IL3RA: variants seen among roughly 807,000 people sequenced by gnomAD.
The protein encoded by IL3RA is interleukin 3 receptor subunit alpha, also known as interleukin-3 receptor subunit alpha.
Under a neutral mutation model 52.3 loss-of-function variants are expected in IL3RA, and 73 were observed. The ratio of observed to expected loss-of-function variants is 1.40; its 90% confidence interval spans 1.16 to 1.70. IL3RA has a LOEUF of 1.70. Ranked by LOEUF, IL3RA falls within the 40% of genes most tolerant of loss-of-function variation. IL3RA has a pLI of 0.00. For synonymous variants in IL3RA, 260 were observed against 194.0 expected (o/e 1.34, Z -2.83); for missense variants, 664 against 504.4 (o/e 1.32, Z -3.03).
At chrX:1,343,529 C>T (rs1199785784) in intron 2 of IL3RA, among the ~76,000 whole-genome samples, 17 of 150,832 alleles carry the variant, frequency 1.1e-4, no homozygotes, top group Non-Finnish European at 1.6e-4. Flanking sequence ...TAGCTGGGCG[C>T]GGTGCTGTGC....
In IL3RA at chrX:1,348,390, A is replaced by G. The variant is rs369499063; in HGVS notation, c.184-41A>G. On this transcript the variant is annotated intron_variant, in intron 3 of 11. Transcript: ENST00000331035. ...GAACATCATTAGCGTCAAATTAAGC[A>G]TGGTCTGTCAGCAGCCATCATAGTC... 1.4e-4 allele frequency: 209 copies of G among 1,448,254 alleles called. 3 individuals carry two copies. In the African/African-American group the frequency reaches 2.2e-3, roughly 16 times the overall value. The allele number at this position is 1,448,254 out of a possible 1,614,324, so 89.7% of individuals were successfully genotyped here.
At chrX:1,362,588 T>C (rs1450262678) in intron 8 of IL3RA, among the ~76,000 whole-genome samples, 2 of 151,856 alleles carry the variant, frequency 1.3e-5, no homozygotes, top group African/African-American at 4.8e-5. Flanking sequence ...TCTCTCTCTC[T>C]GTCTCTCCCT....
At chrX:1,348,267 G>T (rs1440164430) in intron 3 of IL3RA, among the ~76,000 whole-genome samples, 164 bp from the exon 4 acceptor site, 4 of 151,180 alleles carry the variant, frequency 2.6e-5, no homozygotes, top group Non-Finnish European at 5.9e-5. Context: ...GCAGGAGAAT[G>T]GCTTGAACCC....
intron 9 of IL3RA, among the ~76,000 whole-genome samples, chrX:1,368,785 A>C (rs28869836): frequency 2.5e-4 from 30 of 121,704 alleles, no homozygotes; most frequent in African/African-American, 9.5e-4. Flanking sequence ...CCTGGATCTC[A>C]GACCTCCAGC....
chrX:1,344,565 G>A (rs1313717962), intron 2 of IL3RA, among the ~76,000 whole-genome samples: 2 of 151,470 alleles, frequency 1.3e-5, no homozygotes, highest in African/African-American at 2.4e-5. Flanking sequence ...ACGAGGTCAG[G>A]AGATCGAGAC....
At position 1,356,671 on chromosome X, in the gene IL3RA, C is replaced by A. The variant is rs2086745227; in HGVS notation, c.732+335C>A. Among the ~76,000 whole-genome samples the A allele has an allele frequency of 2.0e-5, 3 of 151,682 alleles. No individual in the cohort carries two copies. In the South Asian group the frequency reaches 6.2e-4, roughly 31 times the overall value. On this transcript the variant is annotated intron_variant, in intron 7 of 11. Coordinates refer to ENST00000331035, the MANE Select transcript of IL3RA (RefSeq NM_002183.4). ...CTTGTAGTTCCAGCTACTGGGGAGG[C>A]CGAGGCAGGAGAATTGCTTGAACCC...
intron 3 of IL3RA, among the ~76,000 whole-genome samples, chrX:1,348,036 CAAA>C (rs372200553): frequency 2.3e-4 from 23 of 100,528 alleles, no homozygotes; most frequent in African/African-American, 8.4e-4. Context: ...GACTCCCTCT[CAAA>C]AAAAAAAAAA....
chrX:1,356,348 C>G lies in IL3RA; in HGVS notation c.732+12C>G, dbSNP rs756210123. The G allele has an allele frequency of 6.4e-7, 1 of 1,569,712 alleles. No homozygotes were observed. Among genetic ancestry groups the G allele is most frequent in the Non-Finnish European group, 8.8e-7 (1 of 1,141,608 alleles). ...TTCAGATACAAAAGGTAAACTTTCA[C>G]CCCGCCCCCAGCCCCCCCACCCCCG... On this transcript the variant is annotated intron_variant, in intron 7 of 11. Coordinates refer to ENST00000331035, the MANE Select transcript of IL3RA (RefSeq NM_002183.4).
At chrX:1,346,706 C>G (rs1473864094) in intron 3 of IL3RA, among the ~76,000 whole-genome samples, 1 of 151,424 alleles carries the variant, frequency 6.6e-6, no homozygotes. Context: ...ATCTTGTCAT[C>G]ACCTGCGTTC....
chrX:1,381,191 G>T lies in IL3RA; in HGVS notation c.1062+87G>T. The T allele has an allele frequency of 6.1e-6, 7 of 1,148,300 alleles. No individual in the cohort carries two copies. In the East Asian group the frequency reaches 1.4e-4, roughly 23 times the overall value. 71.1% of individuals were successfully genotyped at this position (1,148,300 alleles called of 1,614,324 possible). On this transcript the variant is annotated intron_variant, in intron 11 of 11. Transcript: ENST00000331035. ...AGGCGGGCGGACCACTTGAGGCCAG[G>T]AACTGGAGACCAGCCTGGCCAACAT...
At chrX:1,361,942 G>C (rs2087430583) in intron 8 of IL3RA, among the ~76,000 whole-genome samples, 1 of 151,856 alleles carries the variant, frequency 6.6e-6, no homozygotes, top group South Asian at 2.1e-4. Context: ...TTCAAGATGA[G>C]ATTTGGGTGG....
intron 8 of IL3RA, among the ~76,000 whole-genome samples, chrX:1,360,924 TCTCTGTCTCTCTCTCCCTTCCC>T (rs1185897831): frequency 1.8e-5 from 2 of 113,020 alleles, no homozygotes; most frequent in East Asian, 5.0e-4. Flanking sequence ...TCCCTTCCCC[TCTCTGTCTCTCTCTCCCTTCCC>T]CTCTGTCTCT....
rs1192444231 is a variant in IL3RA, at chrX:1,378,762, A to T, written c.978A>T (p.Arg326Ser). 2 of 1,611,984 alleles carry T rather than the reference A, an allele frequency of 1.2e-6. No homozygotes were observed. The highest frequency in any genetic ancestry group is 2.7e-5 in the African/African-American group (2 of 74,898). The change falls in exon 10 of 12, where the codon AGA (arginine) becomes AGT (serine). Residue 326 changes from arginine to serine, a missense_variant and splice_region_variant. Coordinates refer to ENST00000331035, the MANE Select transcript of IL3RA (RefSeq NM_002183.4). The part of the protein sequence containing the change: ...LALVCVFVIC[R>S]RYLVMQRLFP... ...TGGTCTGTGTCTTCGTGATCTGCAG[A>T]AGGTGAGCCCTCGAGGGCGTCCGCG...
intron 9 of IL3RA, among the ~76,000 whole-genome samples, chrX:1,377,646 G>C (rs2088867542): frequency 6.6e-6 from 1 of 151,448 alleles, no homozygotes; most frequent in Admixed American, 6.6e-5. Context: ...ATAGGTTCTG[G>C]GGGTGAGGTC....
intron 1 of IL3RA, among the ~76,000 whole-genome samples, chrX:1,340,445 GAC>G (rs1250492471): frequency 1.3e-5 from 2 of 152,188 alleles, no homozygotes; most frequent in Admixed American, 6.5e-5. Flanking sequence ...GGGAACGGCT[GAC>G]ACACACACAG....
At chrX:1,345,553 G>C in intron 3 of IL3RA, 119 bp downstream of exon 3, 1 of 585,968 alleles carries the variant, frequency 1.7e-6, no homozygotes, top group Admixed American at 3.7e-5. Flanking sequence ...GCGGTGACCC[G>C]ATCTCCGCTC....
At chrX:1,348,313 A>G (rs189570044) in intron 3 of IL3RA, 118 bp from the exon 4 acceptor site, 1 of 778,118 alleles carries the variant, frequency 1.3e-6, no homozygotes, top group African/African-American at 1.7e-5. Context: ...AGATCACGCC[A>G]CTGCACTCCA....
At chrX:1,352,768 T>C (rs2086170618) in intron 6 of IL3RA, among the ~76,000 whole-genome samples, 1 of 152,170 alleles carries the variant, frequency 6.6e-6, no homozygotes, top group Admixed American at 6.5e-5. Flanking sequence ...GGTCTCTTGT[T>C]AGAAGGGCAC....
chrX:1,343,077 A>G lies in IL3RA; in HGVS notation c.64+1248A>G, dbSNP rs540707409. ...GCGACAGAGTGAGACTCCGTCTCAA[A>G]ATGAATGAATGAATGAATGAATTTC... On this transcript the variant is annotated intron_variant, in intron 2 of 11. Coordinates refer to ENST00000331035, the MANE Select transcript of IL3RA (RefSeq NM_002183.4). 5.9e-5 allele frequency among the ~76,000 whole-genome samples: 9 copies of G among 151,780 alleles called. No homozygotes were observed. In the South Asian group the frequency reaches 1.9e-3, roughly 32 times the overall value.
Sources: allele counts gnomAD v4.1 joint callset (sites outside exome capture counted in the v4.1 genomes callset), GRCh38; gene constraint gnomAD v4.1.1; transcripts MANE v1.5; gene names NCBI Gene and HGNC (gene_info 2026-07-23, HGNC 2026-07-21).